NFYC: variants seen among roughly 807,000 people sequenced by gnomAD.
The protein encoded by NFYC is CAAT box DNA-binding protein subunit C.
NFYC carries 25 observed loss-of-function variants against 53.1 expected under a neutral mutation model. The observed-to-expected ratio is 0.47, with a 90% CI of 0.34 to 0.66. The LOEUF (loss-of-function observed/expected upper bound fraction) is 0.66. Ranked by LOEUF, NFYC falls within the 30% of genes least tolerant of loss-of-function variation. The pLI is 0.01. For synonymous variants in NFYC, 145 were observed against 152.6 expected, an observed-to-expected ratio of 0.95 and a Z score of 0.37; for missense variants, 260 against 422.7, an observed-to-expected ratio of 0.62 and a Z score of 3.38.
intron 1 of NFYC, among the ~76,000 whole-genome samples, chr1:40,713,352 T>C (rs1193095324): frequency 6.6e-6 from 1 of 152,260 alleles, no homozygotes; most frequent in Non-Finnish European, 1.5e-5. Flanking sequence ...AAATTGATAC[T>C]GACTTTACCA....
At position 40,738,881 on chromosome 1, in the gene NFYC, G is replaced by T. The variant is rs1473074083; in HGVS notation, c.38G>T (p.Ser13Ile). 1.9e-6 allele frequency: 3 copies of T among 1,614,174 alleles called. No homozygotes were observed. Among genetic ancestry groups the T allele is most frequent in the Non-Finnish European group, 2.5e-6 (3 of 1,179,998 alleles). The change falls in exon 2 of 10, where the codon AGT becomes ATT. Residue 13 changes from serine (S) to isoleucine (I), a missense_variant. Transcript: ENST00000447388. ...TEGGFGGTSS[S>I]DAQQSLQSFW... ...GGAGGATTTGGTGGTACTAGCAGCA[G>T]TGATGCCCAGCAAAGCCTACAGTCG...
intron 1 of NFYC, among the ~76,000 whole-genome samples, chr1:40,711,375 C>T (rs1169264794): frequency 6.6e-6 from 1 of 152,124 alleles, no homozygotes; most frequent in African/African-American, 2.4e-5. Flanking sequence ...TATATGTTAT[C>T]AGTTGTTCCA....
intron 6 of NFYC, chr1:40,758,550 A>C: frequency 2.7e-6 from 1 of 364,790 alleles, no homozygotes. Flanking sequence ...CTATTAGCTC[A>C]GAAATTTTAG....
chr1:40,730,068 C>A (rs1644695771), intron 1 of NFYC, among the ~76,000 whole-genome samples: 1 of 152,118 alleles, frequency 6.6e-6, no homozygotes, highest in Non-Finnish European at 1.5e-5. Flanking sequence ...TTCTGTCACC[C>A]AGGCTGGAGT....
intron 8 of NFYC, chr1:40,767,179 T>G: frequency 1.2e-4 from 63 of 514,902 alleles, no homozygotes; most frequent in Non-Finnish European, 1.3e-4. Flanking sequence ...ACAATATTGA[T>G]GGCTATGAGT....
rs1234729612 is a variant in NFYC at position 40,703,213 on chromosome 1, G to C, written c.-9+11346G>C. Among the ~76,000 whole-genome samples the C allele has an allele frequency of 2.2e-4, 33 of 151,988 alleles. 1 individual carries two copies. ...TTTACTTCTTAAAGAATCTGGGCTG[G>C]GTGCAGTGGCTCACACATACAATCC... On this transcript the variant is annotated intron_variant, in intron 1 of 9. Transcript: ENST00000447388.
At chr1:40,702,603 A>G (rs1643493485) in intron 1 of NFYC, among the ~76,000 whole-genome samples, 1 of 152,036 alleles carries the variant, frequency 6.6e-6, no homozygotes, top group African/African-American at 2.4e-5. Context: ...CGGCCTCCCA[A>G]AGTGCTGGGA....
intron 5 of NFYC, among the ~76,000 whole-genome samples, chr1:40,753,901 G>A (rs747137900): frequency 6.6e-6 from 1 of 152,068 alleles, no homozygotes; most frequent in African/African-American, 2.4e-5. Flanking sequence ...CTGCCTTCCC[G>A]TCTCTTCTGC....
chr1:40,731,805 C>G lies in NFYC; in HGVS notation c.-8-7031C>G, dbSNP rs1557808792. Among the ~76,000 whole-genome samples the G allele has an allele frequency of 2.0e-5, 3 of 152,288 alleles. No homozygotes were observed. In the South Asian group the frequency reaches 6.2e-4, roughly 32 times the overall value. ...GGCCCCGGCCTTTATTTTTCTTAAT[C>G]TTTCTTCAATGTATGTATAGTTCAT... On this transcript the variant is annotated intron_variant, in intron 1 of 9. Coordinates refer to ENST00000447388, the MANE Select transcript of NFYC (RefSeq NM_014223.5).
At chr1:40,756,975 A>G (rs756126951) in intron 5 of NFYC, among the ~76,000 whole-genome samples, 3 of 152,222 alleles carry the variant, frequency 2.0e-5, no homozygotes, top group South Asian at 4.1e-4. Flanking sequence ...GGCACCTAAC[A>G]TAGTGTGGGG....
chr1:40,727,258 C>G (rs994700171), intron 1 of NFYC, among the ~76,000 whole-genome samples: 3 of 152,134 alleles, frequency 2.0e-5, no homozygotes, highest in African/African-American at 4.8e-5. Context: ...GGGTCTTACT[C>G]TGTTGCCCAG....
At chr1:40,754,707 C>G (rs762653195) in intron 5 of NFYC, among the ~76,000 whole-genome samples, 12 of 152,190 alleles carry the variant, frequency 7.9e-5, no homozygotes, top group Non-Finnish European at 1.8e-4. Context: ...TCTCATTGTG[C>G]TAACTCCTTG....
At chr1:40,710,531 A>G (rs1643896884) in intron 1 of NFYC, among the ~76,000 whole-genome samples, 1 of 152,166 alleles carries the variant, frequency 6.6e-6, no homozygotes, top group Non-Finnish European at 1.5e-5. Flanking sequence ...TCTATAATAC[A>G]CCTGATTTTA....
rs1646970716 is a variant in NFYC at position 40,769,291 on chromosome 1, G to C, written c.829-65G>C. On this transcript the variant is annotated intron_variant, in intron 8 of 9. Transcript: ENST00000447388. ...ATTTGATCTTTATGACCCTCTTTTG[G>C]GTGGTGGGCTGGTGGATCAGACCCT... 5 of 1,509,752 alleles carry C rather than the reference G, an allele frequency of 3.3e-6. No homozygotes were observed. In the African/African-American group the frequency reaches 6.9e-5, roughly 21 times the overall value. 93.5% of individuals were successfully genotyped at this position (1,509,752 alleles called of 1,614,324 possible). A position where few individuals can be genotyped will look rare whatever the true frequency, so the allele number is the denominator to read the frequency against.
intron 1 of NFYC, chr1:40,735,760 T>G (rs1246981255): frequency 1.0e-6 from 1 of 984,864 alleles, no homozygotes; most frequent in East Asian, 1.1e-4. Flanking sequence ...GGTTAGATTC[T>G]TTTAAAGCTT....
intron 4 of NFYC, among the ~76,000 whole-genome samples, chr1:40,750,480 A>T (rs1406994239): frequency 1.3e-5 from 2 of 152,206 alleles, no homozygotes; most frequent in African/African-American, 4.8e-5. Flanking sequence ...GGGATTAACG[A>T]TACACACAAC....
At position 40,711,613 on chromosome 1, in the gene NFYC, G is replaced by A. The variant is rs77243020; in HGVS notation, c.-9+19746G>A. 6.0e-3 allele frequency among the ~76,000 whole-genome samples: 913 copies of A among 152,308 alleles called. 9 individuals carry two copies. Among genetic ancestry groups the A allele is most frequent in the African/African-American group, 0.021 (866 of 41,550 alleles). On this transcript the variant is annotated intron_variant, in intron 1 of 9. Transcript: ENST00000447388. Reference sequence around the variant, plus strand: ...AGAATGACCCACTACCTGGAAAAATGCACATGGGCATGCCTGTACAAAACC... The same window carrying A: ...AGAATGACCCACTACCTGGAAAAATACACATGGGCATGCCTGTACAAAACC...
chr1:40,729,383 T>C (rs1644662135), intron 1 of NFYC, among the ~76,000 whole-genome samples: 1 of 152,232 alleles, frequency 6.6e-6, no homozygotes, highest in African/African-American at 2.4e-5. Flanking sequence ...CTTCTTTGCT[T>C]AAACCTCATG....
intron 4 of NFYC, among the ~76,000 whole-genome samples, 178 bp downstream of exon 4, chr1:40,749,864 G>C (rs928033648): frequency 6.6e-6 from 1 of 152,194 alleles, no homozygotes; most frequent in Non-Finnish European, 1.5e-5. Context: ...CATCACCACT[G>C]TTGGGAGGCA....
Sources: allele counts gnomAD v4.1 joint callset (sites outside exome capture counted in the v4.1 genomes callset), GRCh38; gene constraint gnomAD v4.1.1; transcripts MANE v1.5; gene names NCBI Gene and HGNC (gene_info 2026-07-23, HGNC 2026-07-21).